The following TNFSF13B variants were observed in gnomAD, a reference collection of about 807,000 sequenced individuals.
TNFSF13B encodes the protein tumor necrosis factor ligand superfamily member 13B.
TNFSF13B carries 8 observed loss-of-function variants against 29.1 expected under a neutral mutation model. That is an observed-to-expected ratio of 0.27 (90% confidence interval 0.16 to 0.50). TNFSF13B has a LOEUF of 0.50. TNFSF13B is among the 20% of genes least tolerant of loss of function. The pLI is 0.98. For missense variants in TNFSF13B, 248 were observed against 334.9 expected, an observed-to-expected ratio of 0.74 and a Z score of 2.03; for synonymous variants, 125 against 130.8, an observed-to-expected ratio of 0.96 and a Z score of 0.30.
chr13:108,294,270 C>T (rs1260564453), intron 3 of TNFSF13B, among the ~76,000 whole-genome samples: 3 of 151,486 alleles, frequency 2.0e-5, no homozygotes, highest in African/African-American at 4.9e-5. Context: ...ACATCTGCCT[C>T]CTGGGTTCAA....
At chr13:108,281,340 C>T (rs758068809) in intron 2 of TNFSF13B, among the ~76,000 whole-genome samples, 8 of 152,180 alleles carry the variant, frequency 5.3e-5, no homozygotes, top group Admixed American at 3.3e-4. Flanking sequence ...TCCTTTCCAA[C>T]ACCCGCTTCC....
At chr13:108,278,727 C>CCCTTCTCT (rs1880847450) in intron 2 of TNFSF13B, among the ~76,000 whole-genome samples, 1 of 147,246 alleles carries the variant, frequency 6.8e-6, no homozygotes, top group African/African-American at 2.5e-5. Flanking sequence ...CCTCCTCCTC[C>CCCTTCTCT]TCCTTCTGAT....
intron 2 of TNFSF13B, among the ~76,000 whole-genome samples, chr13:108,277,507 G>A (rs1880794523): frequency 6.6e-6 from 1 of 152,166 alleles, no homozygotes; most frequent in African/African-American, 2.4e-5. Context: ...AAGGAGTCCC[G>A]ATCCAGACCC....
chr13:108,301,230 G>A (rs977850858), intron 3 of TNFSF13B: 2 of 152,172 alleles, frequency 1.3e-5, no homozygotes, highest in African/African-American at 2.4e-5. Flanking sequence ...AAATCAGTGT[G>A]TCAAAGAGAT....
In TNFSF13B at chr13:108,307,612, G is replaced by A. The variant is rs1239755668; in HGVS notation, c.*674G>A. On this transcript the variant is annotated 3_prime_UTR_variant, in exon 6 of 6. Transcript: ENST00000375887. The stretch of plus-strand genomic sequence containing the variant: ...TTACCCACACATTTTTTTCACAGGA[G>A]AGAGAGAATATCCTCATTTGTTTAT... 1 of 144,684 alleles carries A rather than the reference G, an allele frequency of 6.9e-6. No homozygotes were observed. Among genetic ancestry groups the A allele is most frequent in the African/African-American group, 2.9e-5 (1 of 34,730 alleles). The allele number at this position is 144,684 out of a possible 1,614,324, so 9.0% of individuals were successfully genotyped here. A position where few individuals can be genotyped will look rare whatever the true frequency, so the allele number is the denominator to read the frequency against.
At chr13:108,279,686 G>A (rs570929444) in intron 2 of TNFSF13B, among the ~76,000 whole-genome samples, 95 of 152,266 alleles carry the variant, frequency 6.2e-4, no homozygotes, top group Non-Finnish European at 1.1e-3. Flanking sequence ...AATTCAGGAG[G>A]AAATGCAAAT....
intron 2 of TNFSF13B, among the ~76,000 whole-genome samples, chr13:108,273,798 C>G (rs1880686041): frequency 1.3e-5 from 2 of 152,088 alleles, no homozygotes; most frequent in East Asian, 3.9e-4. Flanking sequence ...GATAGTGATG[C>G]TGGAAATGCT....
chr13:108,291,835 T>G (rs1881322623), intron 3 of TNFSF13B, among the ~76,000 whole-genome samples: 1 of 152,090 alleles, frequency 6.6e-6, no homozygotes, highest in Non-Finnish European at 1.5e-5. Flanking sequence ...CTGTGTATTG[T>G]TTTTCATGTT....
rs950222081 is a variant in TNFSF13B, at chr13:108,269,793, T to C, written c.-103T>C. ...CTGAGGGGTGAGCCAAGCCCTGCCA[T>C]GTAGTGCACGCAGGACATCAACAAA... is the stretch of plus-strand genomic sequence containing the variant. On this transcript the variant is annotated 5_prime_UTR_variant, in exon 1 of 6. It removes an upstream start codon present in the reference 5' UTR. Transcript: ENST00000375887. 2 of 1,105,662 alleles carry C rather than the reference T, an allele frequency of 1.8e-6. No homozygotes were observed. Among genetic ancestry groups the C allele is most frequent in the Admixed American group, 2.2e-5 (1 of 44,534 alleles). The allele number at this position is 1,105,662 out of a possible 1,614,324, so 68.5% of individuals were successfully genotyped here.
At chr13:108,280,614 G>C (rs1594519982) in intron 2 of TNFSF13B, among the ~76,000 whole-genome samples, 2 of 152,046 alleles carry the variant, frequency 1.3e-5, no homozygotes, top group East Asian at 1.9e-4. Context: ...ATTCAGTGAA[G>C]TCATGGAGAA....
chr13:108,290,860 C>T (rs957765252), intron 3 of TNFSF13B, among the ~76,000 whole-genome samples: 1 of 151,734 alleles, frequency 6.6e-6, no homozygotes, highest in Non-Finnish European at 1.5e-5. Flanking sequence ...TCTCGTGTTC[C>T]TTCTGAAACC....
rs760914381 is a variant in TNFSF13B at position 108,270,437 on chromosome 13, CACAG to C, written c.424+17_424+20del. 2.5e-6 allele frequency: 4 copies of C among 1,612,732 alleles called. No homozygotes were observed. In the East Asian group the frequency reaches 8.9e-5, roughly 36 times the overall value. ...CCAGAAGAAACAGGTATGTTTTGGG[CACAG>C]ACACTTTTAGGAGTCAGGGATTAGA... On this transcript the variant is annotated intron_variant, in intron 2 of 5. Transcript: ENST00000375887.
At chr13:108,299,742 TGC>T (rs904871506) in intron 3 of TNFSF13B, among the ~76,000 whole-genome samples, 1 of 152,170 alleles carries the variant, frequency 6.6e-6, no homozygotes, top group African/African-American at 2.4e-5. Context: ...ACCTCCTGTT[TGC>T]AGAGAGCCCA....
chr13:108,269,727 G>C lies in TNFSF13B; in HGVS notation c.-169G>C. 1.6e-6 allele frequency: 1 copy of C among 634,902 alleles called. No homozygotes were observed. Among genetic ancestry groups the C allele is most frequent in the East Asian group, 2.7e-5 (1 of 37,058 alleles). 39.3% of individuals were successfully genotyped at this position (634,902 alleles called of 1,614,324 possible). On this transcript the variant is annotated 5_prime_UTR_variant, in exon 1 of 6. Transcript: ENST00000375887. ...AAACCTACTGTACAGTAGGGGTAGAGATGCAGAAAGGCAGAAAGGAGAAAA... is the reference window on the plus strand; with the variant it reads ...AAACCTACTGTACAGTAGGGGTAGACATGCAGAAAGGCAGAAAGGAGAAAA...
intron 2 of TNFSF13B, among the ~76,000 whole-genome samples, chr13:108,285,863 C>T (rs1262990964): frequency 6.6e-6 from 1 of 152,198 alleles, no homozygotes; most frequent in Non-Finnish European, 1.5e-5. Flanking sequence ...GCTTAGATTT[C>T]TGTTTCATAT....
chr13:108,303,740 T>G, intron 5 of TNFSF13B, 136 bp downstream of exon 5: 1 of 915,338 alleles, frequency 1.1e-6, no homozygotes, highest in East Asian at 2.5e-5. Flanking sequence ...CAATATATTG[T>G]GTTTTTTAAA....
chr13:108,298,972 C>A (rs1276726086), intron 3 of TNFSF13B, among the ~76,000 whole-genome samples: 1 of 144,698 alleles, frequency 6.9e-6, no homozygotes, highest in Non-Finnish European at 1.5e-5. Flanking sequence ...TTGGGAAAAA[C>A]AAACAAACAA....
chr13:108,298,490 A>C (rs1881516542), intron 3 of TNFSF13B, among the ~76,000 whole-genome samples: 1 of 145,682 alleles, frequency 6.9e-6, no homozygotes, highest in African/African-American at 2.6e-5. Flanking sequence ...GTAAACTTCA[A>C]GGAGGGTAAA....
intron 2 of TNFSF13B, among the ~76,000 whole-genome samples, chr13:108,278,906 A>G (rs1010292660): frequency 2.6e-5 from 4 of 152,204 alleles, no homozygotes; most frequent in Non-Finnish European, 4.4e-5. Context: ...GTGCACAACT[A>G]CTTACTTTAA....
Sources: gnomAD v4.1 joint callset for allele counts (sites outside exome capture counted in the v4.1 genomes callset) on GRCh38, gnomAD v4.1.1 for gene constraint, MANE v1.5 for transcripts, NCBI Gene and HGNC (gene_info 2026-07-23, HGNC 2026-07-21) for gene names.